Variants in CFAP47 observed in about 807,000 individuals in gnomAD.
CFAP47 encodes cilia- and flagella-associated protein 47.
A neutral mutation model predicts 148.1 loss-of-function variants in CFAP47; 29 were observed. The observed-to-expected ratio is 0.20, with a 90% confidence interval of 0.15 to 0.27. The LOEUF is 0.27. Ranked by LOEUF, CFAP47 falls within the 10% of genes least tolerant of loss-of-function variation. CFAP47 has a pLI of 1.00. For synonymous variants in CFAP47, 664 were observed against 577.3 expected (o/e 1.15, Z -2.15); for missense variants, 1,872 against 1,697.5 (o/e 1.10, Z -1.81).
intron 29 of CFAP47, among the ~76,000 whole-genome samples, chrX:36,082,935 G>A (rs1938009309): frequency 9.0e-6 from 1 of 111,162 alleles, no homozygotes; most frequent in African/African-American, 3.3e-5. Context: ...TATATTTAAT[G>A]CATGTCAGAG....
At position 36,373,943 on chromosome X, in the gene CFAP47, A is replaced by G. The variant is rs192384015; in HGVS notation, c.9186-5407A>G. Among the ~76,000 whole-genome samples the G allele has an allele frequency of 9.8e-5, 11 of 111,703 alleles. No homozygotes were observed. The East Asian group carries it at 1.1e-3, about 11-fold the overall frequency. On this transcript the variant is annotated intron_variant, in intron 62 of 63. Coordinates refer to ENST00000378653, the MANE Select transcript of CFAP47 (RefSeq NM_001304548.2). ...TGATTATGGTGAAGAGCCTTTTAATATATTGGCAGAAATGGTTTACTAATA... is the reference window on the plus strand; with the variant it reads ...TGATTATGGTGAAGAGCCTTTTAATGTATTGGCAGAAATGGTTTACTAATA...
chrX:35,972,062 A>G, intron 13 of CFAP47, 97 bp downstream of exon 13: 1 of 556,279 alleles, frequency 1.8e-6, no homozygotes, highest in Non-Finnish European at 2.9e-6. Context: ...AAAGTATGCA[A>G]GTATCAACTT....
intron 23 of CFAP47, among the ~76,000 whole-genome samples, chrX:36,034,307 A>G (rs761001629): frequency 1.0e-3 from 111 of 111,094 alleles, no homozygotes; most frequent in African/African-American, 3.6e-3. Context: ...TAATTTTTTT[A>G]TCACATCATA....
intron 17 of CFAP47, among the ~76,000 whole-genome samples, chrX:35,992,254 A>G (rs1936798101): frequency 9.0e-6 from 1 of 110,674 alleles, no homozygotes; most frequent in South Asian, 3.8e-4. Context: ...TAGTTATATG[A>G]TTTTCCTTTT....
intron 57 of CFAP47, among the ~76,000 whole-genome samples, chrX:36,336,210 C>G (rs1457362232): frequency 1.9e-5 from 2 of 104,512 alleles, no homozygotes; most frequent in South Asian, 4.5e-4. Flanking sequence ...CTGTCTGTCT[C>G]TCTGTCTCTC....
At chrX:36,368,978 C>T (rs1040323847) in intron 62 of CFAP47, among the ~76,000 whole-genome samples, 13 of 111,129 alleles carry the variant, frequency 1.2e-4, no homozygotes, top group African/African-American at 3.9e-4. Flanking sequence ...CTCTAGTCAG[C>T]CATCTTGCTG....
chrX:36,031,392 A>C (rs1472397919), intron 23 of CFAP47, 45 bp downstream of exon 23: 3 of 279,444 alleles, frequency 1.1e-5, no homozygotes, highest in Non-Finnish European at 1.9e-5. Context: ...TTTCATGATT[A>C]TGAATTCTAG....
intron 51 of CFAP47, among the ~76,000 whole-genome samples, chrX:36,297,964 C>G (rs189386338): frequency 6.1e-3 from 668 of 110,281 alleles, no homozygotes; most frequent in African/African-American, 0.021. Context: ...GTTGGTGGGA[C>G]TGTAAACTAG....
intron 21 of CFAP47, among the ~76,000 whole-genome samples, chrX:36,011,389 A>G (rs772048686): frequency 7.0e-4 from 78 of 111,658 alleles, no homozygotes; most frequent in African/African-American, 2.3e-3. Flanking sequence ...CACATGTCCT[A>G]CTCTGAGTGT....
intron 61 of CFAP47, among the ~76,000 whole-genome samples, chrX:36,364,926 A>G (rs1433480401): frequency 5.0e-5 from 4 of 80,306 alleles, no homozygotes; most frequent in Non-Finnish European, 8.7e-5. Context: ...ATATATATAT[A>G]TATATATATA....
chrX:36,243,663 ATATATATATATATATATATATATATT>A (rs2146915999), intron 48 of CFAP47, among the ~76,000 whole-genome samples: 1 of 70,600 alleles, frequency 1.4e-5, no homozygotes, highest in African/African-American at 1.5e-4. Flanking sequence ...ATATATATAT[ATATATATATATATATATATATATATT>A]CAATATTCGA....
At position 36,310,892 on chromosome X, in the gene CFAP47, G is replaced by A. The variant is rs1556009813; in HGVS notation, c.8247G>A (p.Thr2749=). ...GVGLFPQPLD[T]ERITTRIGLQ... ...GACTATTTCCCCAGCCTCTAGACAC[G>A]GAAAGAATAACCACACGCATTGGTC... The change falls in exon 56 of 64, where the codon ACG becomes ACA. Residue 2749 remains threonine (T), a synonymous_variant. Coordinates refer to ENST00000378653, the MANE Select transcript of CFAP47 (RefSeq NM_001304548.2). The A allele has an allele frequency of 7.9e-6, 9 of 1,145,822 alleles. No homozygotes were observed. In the Admixed American group the frequency reaches 8.0e-5, roughly 10 times the overall value. 94.4% of individuals were successfully genotyped at this position (1,145,822 alleles called of 1,213,427 possible). A position where few individuals can be genotyped will look rare whatever the true frequency, so the allele number is the denominator to read the frequency against.
At chrX:36,144,598 G>C in intron 35 of CFAP47, 4 of 1,027,914 alleles carry the variant, frequency 3.9e-6, no homozygotes, top group Non-Finnish European at 5.1e-6. Context: ...ATGGATGCAG[G>C]AGTCAGTGGC....
intron 32 of CFAP47, among the ~76,000 whole-genome samples, chrX:36,101,993 G>A (rs1938385051): frequency 9.0e-6 from 1 of 111,567 alleles, no homozygotes; most frequent in Non-Finnish European, 1.9e-5. Flanking sequence ...TATACTATTA[G>A]TAGTAGTTTT....
chrX:35,948,438 A>G lies in CFAP47; in HGVS notation c.642A>G (p.Val214=). The part of the protein sequence containing the change: ...VDFCADQPRI[V]DEEAIVILQG... The stretch of plus-strand genomic sequence containing the variant: ...TCTGTGCAGACCAGCCAAGAATTGT[A>G]GATGAAGAGGCAATGTGAGTATATA... Residue 214 remains valine (V), a synonymous_variant, in exon 4 of 64, where the codon GTA becomes GTG. Transcript: ENST00000378653. The G allele has an allele frequency of 8.3e-7, 1 of 1,202,459 alleles. No individual in the cohort carries two copies. The highest frequency in any genetic ancestry group is 1.1e-6 in the Non-Finnish European group (1 of 888,133).
intron 15 of CFAP47, among the ~76,000 whole-genome samples, chrX:35,987,211 C>T (rs1034277886): frequency 2.7e-5 from 3 of 111,456 alleles, no homozygotes; most frequent in Non-Finnish European, 5.7e-5. Flanking sequence ...CCCACAGCTG[C>T]CTCTTTCCCC....
At position 36,073,378 on chromosome X, in the gene CFAP47, G is replaced by T. The variant is rs1363762719; in HGVS notation, c.4691+14G>T. ...GACTATAAGAAGGTGAGAGTCCCAT[G>T]TTTCTCTAAATTCTTTGCTTCATAT... On this transcript the variant is annotated intron_variant, in intron 29 of 63. Coordinates refer to ENST00000378653, the MANE Select transcript of CFAP47 (RefSeq NM_001304548.2). The T allele has an allele frequency of 2.8e-6, 3 of 1,083,058 alleles. No homozygotes were observed. Among genetic ancestry groups the T allele is most frequent in the Non-Finnish European group, 3.8e-6 (3 of 786,418 alleles). 89.3% of individuals were successfully genotyped at this position (1,083,058 alleles called of 1,213,427 possible).
chrX:36,154,610 C>A (rs1191837180), intron 37 of CFAP47, among the ~76,000 whole-genome samples: 1 of 111,619 alleles, frequency 9.0e-6, no homozygotes, highest in African/African-American at 3.3e-5. Flanking sequence ...TTCTTTTGAG[C>A]CTTTTCCAGA....
At chrX:36,359,061 C>T (rs2082757462) in intron 60 of CFAP47, among the ~76,000 whole-genome samples, 1 of 111,839 alleles carries the variant, frequency 8.9e-6, no homozygotes, top group Admixed American at 9.5e-5. Flanking sequence ...AAGAATTAGA[C>T]GTCTCATGTC....
Sources: allele counts gnomAD v4.1 joint callset (sites outside exome capture counted in the v4.1 genomes callset), GRCh38; gene constraint gnomAD v4.1.1; transcripts MANE v1.5; gene names NCBI Gene and HGNC (gene_info 2026-07-23, HGNC 2026-07-21).